The following DPYD variants were observed in gnomAD, a reference collection of about 807,000 sequenced individuals.
DPYD encodes dihydropyrimidine dehydrogenase, also known as dihydropyrimidine dehydrogenase [NADP(+)].
In DPYD, 109 loss-of-function variants were observed where a neutral mutation model predicts 116.2. The observed-to-expected ratio is 0.94, with a 90% CI of 0.80 to 1.10. The LOEUF is 1.10. DPYD is among the 50% of genes least tolerant of loss of function. DPYD has a pLI of 0.00. For missense variants in DPYD, 1,302 were observed against 1,254.5 expected, an observed-to-expected ratio of 1.04 and a Z score of -0.57; for synonymous variants, 440 against 432.0, an observed-to-expected ratio of 1.02 and a Z score of -0.23.
At chr1:97,828,731 T>C (rs1669376410) in intron 2 of DPYD, among the ~76,000 whole-genome samples, 1 of 151,964 alleles carries the variant, frequency 6.6e-6, no homozygotes, top group South Asian at 2.1e-4. Flanking sequence ...TAAATAACAA[T>C]TTTATGTGTA....
At chr1:97,573,671 G>T in intron 11 of DPYD, 89 bp downstream of exon 11, 1 of 1,533,254 alleles carries the variant, frequency 6.5e-7, no homozygotes, top group Non-Finnish European at 9.0e-7. Flanking sequence ...AAATTTTAAA[G>T]TGAAAAACAA....
intron 13 of DPYD, among the ~76,000 whole-genome samples, chr1:97,480,125 T>A (rs545695038): frequency 6.6e-6 from 1 of 152,206 alleles, no homozygotes; most frequent in African/African-American, 2.4e-5. Flanking sequence ...TTAAGAAAAA[T>A]AATTTTTTTT....
intron 1 of DPYD, among the ~76,000 whole-genome samples, chr1:97,891,704 T>G (rs1015958124): frequency 1.3e-5 from 2 of 151,858 alleles, no homozygotes; most frequent in Non-Finnish European, 2.9e-5. Flanking sequence ...CACTAAATCT[T>G]AGGCCTAAAA....
intron 8 of DPYD, among the ~76,000 whole-genome samples, chr1:97,626,001 C>T (rs542386990): frequency 2.0e-5 from 3 of 152,088 alleles, no homozygotes; most frequent in East Asian, 1.9e-4. Flanking sequence ...TTGTTCTTTT[C>T]GGGTCATTTC....
Position 97,415,369 on chromosome 1 carries a change from C to G in DPYD, c.1906-32908G>C, listed in dbSNP as rs75464971. Among the ~76,000 whole-genome samples the G allele has an allele frequency of 6.9e-3, 1,052 of 152,240 alleles. 6 individuals carry two copies. Among genetic ancestry groups the G allele is most frequent in the East Asian group, 0.02 (101 of 5,174 alleles). On this transcript the variant is annotated intron_variant, in intron 14 of 22. Transcript: ENST00000370192. ...TATTATTAGAGACTCACACTGTCAC[C>G]CAGGCTGGAGTGCAGTGGTGCAGTC...
At chr1:97,630,566 G>A (rs1351430263) in intron 8 of DPYD, among the ~76,000 whole-genome samples, 1 of 152,090 alleles carries the variant, frequency 6.6e-6, no homozygotes, top group Non-Finnish European at 1.5e-5. Context: ...TGTTTTGTCA[G>A]CTTCAAGCTG....
chr1:97,344,734 C>T (rs1414752163), intron 16 of DPYD, among the ~76,000 whole-genome samples: 2 of 151,750 alleles, frequency 1.3e-5, no homozygotes, highest in Non-Finnish European at 2.9e-5. Flanking sequence ...AGTTACTCAA[C>T]GTTCTTTAAG....
At chr1:97,519,561 T>C (rs1444232482) in intron 12 of DPYD, among the ~76,000 whole-genome samples, 2 of 152,146 alleles carry the variant, frequency 1.3e-5, no homozygotes, top group Non-Finnish European at 1.5e-5. Context: ...GTTTCCTCCA[T>C]AGAGTGTCCT....
chr1:97,573,970 T>C lies in DPYD; in HGVS notation c.1129A>G (p.Met377Val), dbSNP rs144935781. The C allele has an allele frequency of 2.1e-5, 34 of 1,613,344 alleles. No individual in the cohort carries two copies. The African/African-American group carries it at 3.5e-4, about 16-fold the overall frequency. Residue 377 changes from methionine to valine, a missense_variant and splice_region_variant, in exon 11 of 23, where the codon ATG (methionine) becomes GTG (valine). Physicochemically the swap from Met to Val is conservative, Grantham distance 21. Transcript: ENST00000370192. ...FVNIRAVPEE[M>V]ELAKEEKCEF... Reference sequence around the variant, plus strand: ...CACTTTTCTTCCTTAGCAAGTTCCATCTAAAACAAAACAGAACAGAGAAGA... The same window carrying C: ...CACTTTTCTTCCTTAGCAAGTTCCACCTAAAACAAAACAGAACAGAGAAGA...
At chr1:97,809,901 G>C (rs1012960224) in intron 3 of DPYD, among the ~76,000 whole-genome samples, 17 of 152,186 alleles carry the variant, frequency 1.1e-4, no homozygotes, top group South Asian at 4.2e-4. Context: ...TGTGACCAAA[G>C]GATCCATAGG....
chr1:97,789,040 G>A (rs1402595464), intron 3 of DPYD, among the ~76,000 whole-genome samples: 1 of 152,216 alleles, frequency 6.6e-6, no homozygotes, highest in East Asian at 1.9e-4. Flanking sequence ...GTGAGCTCAT[G>A]CGATCTACCG....
chr1:97,801,448 C>G (rs940783455), intron 3 of DPYD, among the ~76,000 whole-genome samples: 2 of 151,776 alleles, frequency 1.3e-5, no homozygotes, highest in African/African-American at 4.8e-5. Context: ...GGCCCTGCCA[C>G]GAGCTTATAT....
rs142562449 is a variant in DPYD at position 97,814,554 on chromosome 1, T to A, written c.233+13560A>T. On this transcript the variant is annotated intron_variant, in intron 3 of 22. Coordinates refer to ENST00000370192, the MANE Select transcript of DPYD (RefSeq NM_000110.4). The stretch of plus-strand genomic sequence containing the variant: ...AATTTTTATACAACTTTCTTACTGA[T>A]TAGATGCGCATGTGAGAGAGAAAAT... Among the ~76,000 whole-genome samples the A allele has an allele frequency of 1.1e-4, 16 of 152,172 alleles. No homozygotes were observed. The East Asian group carries it at 2.7e-3, about 26-fold the overall frequency.
At chr1:97,464,773 G>A (rs569878424) in intron 13 of DPYD, among the ~76,000 whole-genome samples, 1 of 152,262 alleles carries the variant, frequency 6.6e-6, no homozygotes, top group South Asian at 2.1e-4. Flanking sequence ...TTTGCTGCAG[G>A]GACGGGACCC....
intron 14 of DPYD, among the ~76,000 whole-genome samples, chr1:97,389,302 T>C (rs112976201): frequency 3.1e-5 from 3 of 96,944 alleles, no homozygotes; most frequent in Non-Finnish European, 4.2e-5. Flanking sequence ...GAATGAGATT[T>C]TGTCTTTGAA....
intron 14 of DPYD, among the ~76,000 whole-genome samples, chr1:97,427,733 G>A (rs1341877427): frequency 6.0e-5 from 9 of 151,078 alleles, no homozygotes; most frequent in South Asian, 2.1e-4. Flanking sequence ...ATGCACCTCC[G>A]TCTCAAACAT....
intron 7 of DPYD, among the ~76,000 whole-genome samples, chr1:97,688,570 T>C (rs1057010045): frequency 5.3e-5 from 8 of 152,182 alleles, no homozygotes; most frequent in Middle Eastern, 3.4e-3. Flanking sequence ...CAAGATAATA[T>C]TCTTACCAAT....
chr1:97,288,056 C>T (rs866142964), intron 18 of DPYD, among the ~76,000 whole-genome samples: 11 of 150,828 alleles, frequency 7.3e-5, no homozygotes, highest in East Asian at 1.9e-4. Flanking sequence ...ATAAAACAGA[C>T]TTTAAACCAA....
At chr1:97,649,120 A>C (rs181621919) in intron 8 of DPYD, among the ~76,000 whole-genome samples, 9 of 152,232 alleles carry the variant, frequency 5.9e-5, no homozygotes, top group Admixed American at 5.9e-4. Context: ...AAAACTCCTA[A>C]ATCAAGAAGG....
Sources: allele counts gnomAD v4.1 joint callset (sites outside exome capture counted in the v4.1 genomes callset), GRCh38; gene constraint gnomAD v4.1.1; transcripts MANE v1.5; gene names NCBI Gene and HGNC (gene_info 2026-07-23, HGNC 2026-07-21).